The following MPDZ variants were observed in gnomAD, a reference collection of about 807,000 sequenced individuals.
The protein encoded by MPDZ is multiple PDZ domain crumbs cell polarity complex component.
A neutral mutation model predicts 239.1 loss-of-function variants in MPDZ; 234 were observed. That is an observed-to-expected ratio of 0.98 (90% confidence interval 0.88 to 1.09). The LOEUF (loss-of-function observed/expected upper bound fraction) is 1.09, where lower values mean the gene tolerates loss of function less well. Among genes scored for constraint, MPDZ ranks in the 50% least tolerant of loss-of-function variants. MPDZ has a pLI of 0.00. For synonymous variants in MPDZ, 1,048 were observed against 881.3 expected (o/e 1.19, Z -3.35); for missense variants, 3,175 against 2,510.0 (o/e 1.26, Z -5.66).
intron 32 of MPDZ, 73 bp from the exon 33 acceptor site, chr9:13,126,845 A>G: frequency 7.9e-7 from 1 of 1,259,852 alleles, no homozygotes; most frequent in South Asian, 1.2e-5. Flanking sequence ...TACCAAGGGT[A>G]AGAAAAACAA....
intron 1 of MPDZ, among the ~76,000 whole-genome samples, chr9:13,278,298 A>C (rs1195372419): frequency 1.3e-5 from 2 of 152,170 alleles, no homozygotes; most frequent in African/African-American, 4.8e-5. Flanking sequence ...GCAAAAAGGC[A>C]GTCAGTGCCC....
Position 13,110,004 on chromosome 9 carries a change from T to A in MPDZ, c.5890A>T (p.Ser1964Cys), listed in dbSNP as rs764046623. Reference sequence around the variant, plus strand: ...GACGTCAGCCCAGTGAAAGAAAGACTGGAACTTGCAGGCTCCTGCTGATGA... The same window carrying A: ...GACGTCAGCCCAGTGAAAGAAAGACAGGAACTTGCAGGCTCCTGCTGATGA... ...TGHQQEPASS[S>C]LSFTGLTSSS... Residue 1964 changes from serine (S) to cysteine (C), a missense_variant, in exon 45 of 47, where the codon AGT (serine) becomes TGT (cysteine). Physicochemically the swap from Ser to Cys is moderately radical, Grantham distance 112. Coordinates refer to ENST00000319217, the MANE Select transcript of MPDZ (RefSeq NM_001378778.1). The A allele has an allele frequency of 6.2e-7, 1 of 1,613,330 alleles. No individual in the cohort carries two copies. The highest frequency in any genetic ancestry group is 1.1e-5 in the South Asian group (1 of 91,000).
chr9:13,127,660 T>C (rs1945322622), intron 32 of MPDZ, among the ~76,000 whole-genome samples: 1 of 152,196 alleles, frequency 6.6e-6, no homozygotes, highest in African/African-American at 2.4e-5. Flanking sequence ...AAGGTAGGTT[T>C]CAACATCATT....
chr9:13,117,883 T>C (rs1943727294), intron 39 of MPDZ, among the ~76,000 whole-genome samples: 1 of 151,404 alleles, frequency 6.6e-6, no homozygotes, highest in Non-Finnish European at 1.5e-5. Flanking sequence ...TCACTCTTAT[T>C]GCCCAGGTTG....
intron 12 of MPDZ, among the ~76,000 whole-genome samples, chr9:13,197,156 A>G (rs541508937): frequency 9.1e-6 from 1 of 110,478 alleles, no homozygotes; most frequent in African/African-American, 2.5e-5. Context: ...TGTAAACAAT[A>G]AACTATATAT....
intron 1 of MPDZ, among the ~76,000 whole-genome samples, chr9:13,268,157 T>TAC (rs1972178707): frequency 6.6e-6 from 1 of 150,464 alleles, no homozygotes; most frequent in African/African-American, 2.4e-5. Flanking sequence ...GAAAATTATA[T>TAC]ATATATATAT....
At chr9:13,162,193 G>C (rs1412198123) in intron 23 of MPDZ, among the ~76,000 whole-genome samples, 1 of 151,626 alleles carries the variant, frequency 6.6e-6, no homozygotes, top group African/African-American at 2.4e-5. Flanking sequence ...GAACCCAGGA[G>C]GTAGAGGCTG....
intron 22 of MPDZ, among the ~76,000 whole-genome samples, chr9:13,167,598 A>G (rs75110564): frequency 6.4e-4 from 98 of 152,184 alleles, no homozygotes; most frequent in Non-Finnish European, 1.2e-3. Context: ...TAGGTAAACA[A>G]TCTTTCCCTG....
chr9:13,118,479 C>A (rs568702123), intron 39 of MPDZ, among the ~76,000 whole-genome samples: 2 of 152,176 alleles, frequency 1.3e-5, no homozygotes, highest in African/African-American at 4.8e-5. Context: ...CTCCCCTTAG[C>A]GTATTAGACC....
intron 10 of MPDZ, among the ~76,000 whole-genome samples, chr9:13,212,378 T>C (rs1163874738): frequency 6.6e-6 from 1 of 152,128 alleles, no homozygotes; most frequent in Non-Finnish European, 1.5e-5. Context: ...CCAAGAATTA[T>C]ACCACATGGC....
In MPDZ at chr9:13,133,802, T is replaced by C. The variant is rs370400186; in HGVS notation, c.4464+22A>G. ...AGGTAAAGGAACTCACATCATTTCA[T>C]TCCAATTCAAAGCAGATTTACCTTG... On this transcript the variant is annotated intron_variant, in intron 32 of 46. Transcript: ENST00000319217. 7.1e-4 allele frequency: 1,083 copies of C among 1,533,332 alleles called. 2 individuals are homozygous for C. Among genetic ancestry groups the C allele is most frequent in the Middle Eastern group, 5.2e-3 (31 of 5,922 alleles). The allele number at this position is 1,533,332 out of a possible 1,614,324, so 95.0% of individuals were successfully genotyped here.
intron 10 of MPDZ, among the ~76,000 whole-genome samples, chr9:13,207,814 C>A (rs1957167695): frequency 6.6e-6 from 1 of 152,108 alleles, no homozygotes; most frequent in Admixed American, 6.5e-5. Flanking sequence ...AATACAGAGC[C>A]ATTGGCTCAT....
chr9:13,277,883 A>T (rs1279996820), intron 1 of MPDZ, among the ~76,000 whole-genome samples: 2 of 152,092 alleles, frequency 1.3e-5, no homozygotes, highest in Non-Finnish European at 2.9e-5. Context: ...CTAGGTTTTT[A>T]AAACACTATT....
chr9:13,260,485 A>AGTTT (rs1320912394), intron 1 of MPDZ, among the ~76,000 whole-genome samples: 2 of 152,194 alleles, frequency 1.3e-5, no homozygotes, highest in African/African-American at 4.8e-5. Context: ...GCCCTAATAG[A>AGTTT]GTTTGAATAG....
chr9:13,279,331 C>A (rs1446333103), intron 1 of MPDZ, 69 bp downstream of exon 1: 3 of 139,732 alleles, frequency 2.1e-5, no homozygotes, highest in African/African-American at 7.6e-5. Flanking sequence ...GCGCACCTTC[C>A]CCGCCGGCGC....
intron 32 of MPDZ, among the ~76,000 whole-genome samples, chr9:13,127,378 C>T (rs1945276863): frequency 6.6e-6 from 1 of 152,252 alleles, no homozygotes; most frequent in Admixed American, 6.5e-5. Flanking sequence ...TGGGGAGCTA[C>T]ACCTACTTCG....
At chr9:13,114,321 T>C (rs1382605193) in intron 40 of MPDZ, among the ~76,000 whole-genome samples, 1 of 152,164 alleles carries the variant, frequency 6.6e-6, no homozygotes, top group Non-Finnish European at 1.5e-5. Flanking sequence ...TAAACTGATG[T>C]TGTAGGAAGA....
At chr9:13,151,884 A>C (rs2133096794) in intron 24 of MPDZ, among the ~76,000 whole-genome samples, 1 of 121,580 alleles carries the variant, frequency 8.2e-6, no homozygotes, top group East Asian at 2.4e-4. Context: ...TTAAGGTTTT[A>C]CTAGTAGTAA....
In MPDZ at chr9:13,123,215, C is replaced by G; in HGVS notation, c.4891G>C (p.Glu1631Gln). 1.4e-5 allele frequency: 23 copies of G among 1,613,472 alleles called. No individual in the cohort carries two copies. Among genetic ancestry groups the G allele is most frequent in the Non-Finnish European group, 1.9e-5 (23 of 1,179,824 alleles). ...AGCCCTGTTCGCCCTTTGGAAATCT[C>G]GATGGTTGTTTCGCAGCCAGGGATA... ...PIIPGCETTI[E>Q]ISKGRTGLGL... is the part of the protein sequence containing the mutation. Residue 1631 changes from glutamate to glutamine, a missense_variant, in exon 36 of 47, where the codon GAG becomes CAG. Physicochemically the swap from Glu to Gln is conservative, Grantham distance 29. Coordinates refer to ENST00000319217, the MANE Select transcript of MPDZ (RefSeq NM_001378778.1).
Sources: gnomAD v4.1 joint callset for allele counts (sites outside exome capture counted in the v4.1 genomes callset) on GRCh38, gnomAD v4.1.1 for gene constraint, MANE v1.5 for transcripts, NCBI Gene and HGNC (gene_info 2026-07-23, HGNC 2026-07-21) for gene names.